The following ATP2B2 variants were observed in gnomAD, a reference collection of about 807,000 sequenced individuals.
ATP2B2 encodes the protein plasma membrane calcium-transporting ATPase 2.
Under a neutral mutation model 120.0 loss-of-function variants are expected in ATP2B2, and 15 were observed. The ratio of observed to expected loss-of-function variants is 0.12; its 90% CI spans 0.08 to 0.19. The LOEUF (loss-of-function observed/expected upper bound fraction) is 0.19. ATP2B2 is among the 10% of genes least tolerant of loss of function. ATP2B2 has a pLI of 1.00. For synonymous variants in ATP2B2, 694 were observed against 700.3 expected (o/e 0.99, Z 0.14); for missense variants, 1,045 against 1,719.8 (o/e 0.61, Z 6.94).
chr3:10,384,076 T>C (rs1456912239), intron 8 of ATP2B2, among the ~76,000 whole-genome samples: 1 of 152,212 alleles, frequency 6.6e-6, no homozygotes, highest in African/African-American at 2.4e-5. Context: ...AATAGAGCCA[T>C]ACCAGAATTA....
intron 2 of ATP2B2, among the ~76,000 whole-genome samples, chr3:10,594,159 T>C (rs1368074234): frequency 6.6e-6 from 1 of 152,180 alleles, no homozygotes; most frequent in Non-Finnish European, 1.5e-5. Context: ...GACAGTGTGG[T>C]GATTCCTCAG....
At chr3:10,438,471 G>A (rs544165871) in intron 2 of ATP2B2, among the ~76,000 whole-genome samples, 2 of 152,330 alleles carry the variant, frequency 1.3e-5, no homozygotes, top group South Asian at 4.1e-4. Context: ...ACCTGCATGT[G>A]ACACTCTCCT....
At chr3:10,555,599 C>T (rs1207776023) in intron 2 of ATP2B2, among the ~76,000 whole-genome samples, 1 of 152,230 alleles carries the variant, frequency 6.6e-6, no homozygotes, top group Non-Finnish European at 1.5e-5. Context: ...CAACACATCT[C>T]TGGCCCTGAC....
At chr3:10,413,088 C>CA (rs3836464) in intron 2 of ATP2B2, among the ~76,000 whole-genome samples, 42,387 of 152,108 alleles carry the variant, frequency 0.28, 6,682 homozygotes, top group East Asian at 0.7. Context: ...TTCATTGCCT[C>CA]TTCACCCATT....
intron 1 of ATP2B2, among the ~76,000 whole-genome samples, chr3:10,500,755 C>T (rs1327230220): frequency 6.6e-6 from 1 of 152,242 alleles, no homozygotes; most frequent in African/African-American, 2.4e-5. Flanking sequence ...GGAGACAATA[C>T]ACGTCTGTTG....
At chr3:10,542,239 G>T (rs1370989548) in intron 2 of ATP2B2, among the ~76,000 whole-genome samples, 1 of 152,114 alleles carries the variant, frequency 6.6e-6, no homozygotes, top group East Asian at 1.9e-4. Context: ...TTGGGCCATT[G>T]ATATTTAATG....
In ATP2B2 at chr3:10,326,609, G is replaced by C. The variant is rs2059861865; in HGVS notation, c.*2205C>G. On this transcript the variant is annotated 3_prime_UTR_variant, in exon 23 of 23. Transcript: ENST00000360273. ...TTCCTTCCTTGTAGGAGAGCAGTGG[G>C]CTGGCTTTGGTGGCGTTTGTACTGG... 2.5e-6 allele frequency: 1 copy of C among 398,182 alleles called. No individual in the cohort carries two copies. Among genetic ancestry groups the C allele is most frequent in the African/African-American group, 2.1e-5 (1 of 48,626 alleles). The allele number at this position is 398,182 out of a possible 1,614,324, so 24.7% of individuals were successfully genotyped here.
intron 1 of ATP2B2, among the ~76,000 whole-genome samples, chr3:10,689,163 T>C (rs1168671142): frequency 6.6e-6 from 1 of 152,218 alleles, no homozygotes; most frequent in Non-Finnish European, 1.5e-5. Flanking sequence ...ATCCTTGCGT[T>C]ACCTGGTGCA....
chr3:10,460,033 A>T (rs1158683847), intron 1 of ATP2B2, among the ~76,000 whole-genome samples: 7 of 152,232 alleles, frequency 4.6e-5, no homozygotes, highest in Non-Finnish European at 1.0e-4. Flanking sequence ...CTGACCACAC[A>T]CAACAGGTCA....
intron 2 of ATP2B2, among the ~76,000 whole-genome samples, chr3:10,424,760 G>A (rs1443746087): frequency 6.6e-6 from 1 of 152,190 alleles, no homozygotes; most frequent in South Asian, 2.1e-4. Context: ...GACTCTCCAA[G>A]ATAAACTGCT....
intron 2 of ATP2B2, among the ~76,000 whole-genome samples, chr3:10,436,692 C>T (rs2063490268): frequency 1.3e-5 from 2 of 152,244 alleles, no homozygotes; most frequent in Non-Finnish European, 2.9e-5. Flanking sequence ...GGAGAGCCCA[C>T]TCCTAAGCTG....
At chr3:10,667,697 G>A (rs114620703) in intron 1 of ATP2B2, among the ~76,000 whole-genome samples, 2,312 of 152,288 alleles carry the variant, frequency 0.015, 24 homozygotes, top group African/African-American at 0.036. Context: ...CTAAGTTAAC[G>A]TGTCCCCCAG....
intron 4 of ATP2B2, among the ~76,000 whole-genome samples, chr3:10,401,573 T>C (rs578200032): frequency 6.6e-6 from 1 of 152,170 alleles, no homozygotes; most frequent in Admixed American, 6.5e-5. Flanking sequence ...CTAGGACATA[T>C]CTGGCTCAAA....
chr3:10,653,487 G>T (rs572439201), intron 1 of ATP2B2, among the ~76,000 whole-genome samples: 1 of 152,182 alleles, frequency 6.6e-6, no homozygotes, highest in South Asian at 2.1e-4. Context: ...ACCAGGCAGG[G>T]CCTCAAGGGG....
At chr3:10,670,567 G>A (rs565333909) in intron 1 of ATP2B2, among the ~76,000 whole-genome samples, 6 of 151,682 alleles carry the variant, frequency 4.0e-5, no homozygotes, top group East Asian at 1.9e-4. Flanking sequence ...ACAGGCGCCC[G>A]CCACCACACC....
chr3:10,429,935 C>T (rs1009241000), intron 2 of ATP2B2, among the ~76,000 whole-genome samples: 2 of 152,160 alleles, frequency 1.3e-5, no homozygotes, highest in Non-Finnish European at 2.9e-5. Flanking sequence ...TTCCCTTAAG[C>T]CAAAGCCTAA....
chr3:10,519,634 T>C (rs1405967470), intron 3 of ATP2B2, among the ~76,000 whole-genome samples: 1 of 152,222 alleles, frequency 6.6e-6, no homozygotes, highest in African/African-American at 2.4e-5. Context: ...AAGCTTCCAA[T>C]GAATGTTTTG....
chr3:10,692,070 G>A (rs115782161), intron 1 of ATP2B2, among the ~76,000 whole-genome samples: 193 of 152,240 alleles, frequency 1.3e-3, no homozygotes, highest in Non-Finnish European at 2.2e-3. Flanking sequence ...AAGTTTTTAC[G>A]AATTATATTA....
intron 2 of ATP2B2, among the ~76,000 whole-genome samples, chr3:10,558,836 A>T (rs1420876370): frequency 6.6e-6 from 1 of 152,150 alleles, no homozygotes; most frequent in Middle Eastern, 3.2e-3. Context: ...AGGAGAAGGA[A>T]AGGAAGACAG....
Sources: allele counts gnomAD v4.1 joint callset (sites outside exome capture counted in the v4.1 genomes callset), GRCh38; gene constraint gnomAD v4.1.1; transcripts MANE v1.5; gene names NCBI Gene and HGNC (gene_info 2026-07-23, HGNC 2026-07-21).